The following NOC3L variants were observed in gnomAD, a reference collection of about 807,000 sequenced individuals.
NOC3L encodes the protein NOC3 like DNA replication regulator.
In NOC3L, 85 loss-of-function variants were observed where a neutral mutation model predicts 102.5. The observed-to-expected ratio is 0.83, with a 90% confidence interval of 0.70 to 0.99. The LOEUF is 0.99. Among genes scored for constraint, NOC3L ranks in the 50% least tolerant of loss-of-function variants. The probability of loss-of-function intolerance (pLI) is 0.00; values close to 1 mark genes in which losing one functional copy is unlikely to be tolerated. For missense variants in NOC3L, 878 were observed against 914.9 expected, an observed-to-expected ratio of 0.96 and a Z score of 0.52; for synonymous variants, 303 against 309.4, an observed-to-expected ratio of 0.98 and a Z score of 0.22.
chr10:94,340,274 A>G lies in NOC3L; in HGVS notation c.1780+2T>C. The G allele has an allele frequency of 6.3e-7, 1 of 1,593,276 alleles. No homozygotes were observed. The highest frequency in any genetic ancestry group is 8.6e-7 in the Non-Finnish European group (1 of 1,162,652). ...AAAGAAACATTATCTAAACATACAT[A>G]CCTGCATGTAATTTGAACAGTGTTT... is the stretch of plus-strand genomic sequence containing the variant. On this transcript the variant is annotated splice_donor_variant, in intron 16 of 20. Coordinates refer to ENST00000371361, the MANE Select transcript of NOC3L (RefSeq NM_022451.11). LOFTEE classifies it high-confidence loss of function.
At chr10:94,319,367 T>C in the NOC3L span, among the ~76,000 whole-genome samples, 3 of 152,218 alleles carry the variant, frequency 2.0e-5, no homozygotes, top group Non-Finnish European at 2.9e-5. Context: ...AGGGCACTAC[T>C]AGAGGAGACA....
chr10:94,317,288 CAA>C, the NOC3L span, among the ~76,000 whole-genome samples: 2 of 152,120 alleles, frequency 1.3e-5, no homozygotes, highest in Middle Eastern at 3.2e-3. Flanking sequence ...TTTTCTCACA[CAA>C]ATAAACTATT....
At chr10:94,321,921 T>C in the NOC3L span, 1 of 1,613,640 alleles carries the variant, frequency 6.2e-7, no homozygotes, top group Non-Finnish European at 8.5e-7. Flanking sequence ...AGAAAAACAT[T>C]GTTCAAGATG....
intron 9 of NOC3L, among the ~76,000 whole-genome samples, chr10:94,349,634 T>A (rs185345448): frequency 1.3e-5 from 2 of 152,330 alleles, no homozygotes; most frequent in Admixed American, 1.3e-4. Context: ...ACCAAACTTA[T>A]GTTCAGATAA....
chr10:94,351,728 A>G (rs2054421217), intron 8 of NOC3L, among the ~76,000 whole-genome samples: 1 of 149,360 alleles, frequency 6.7e-6, no homozygotes, highest in South Asian at 2.1e-4. Flanking sequence ...GAGTCTCACT[A>G]CATTCCCCAG....
At chr10:94,319,246 A>ATATC in the NOC3L span, among the ~76,000 whole-genome samples, 1 of 152,202 alleles carries the variant, frequency 6.6e-6, no homozygotes, top group Non-Finnish European at 1.5e-5. Context: ...TGACTGAAAT[A>ATATC]TATCTCAAAA....
chr10:94,342,755 A>G (rs960853387), intron 13 of NOC3L, among the ~76,000 whole-genome samples: 5 of 151,140 alleles, frequency 3.3e-5, no homozygotes, highest in African/African-American at 9.7e-5. Flanking sequence ...AGCAAGTTAC[A>G]GGACACTAAA....
At chr10:94,336,710 G>A (rs1178533416) in intron 19 of NOC3L, among the ~76,000 whole-genome samples, 1 of 151,426 alleles carries the variant, frequency 6.6e-6, no homozygotes, top group Non-Finnish European at 1.5e-5. Flanking sequence ...TGGACTGAGG[G>A]ATTTTTTATA....
intron 19 of NOC3L, among the ~76,000 whole-genome samples, chr10:94,335,475 G>C (rs1401978386): frequency 6.6e-6 from 1 of 152,068 alleles, no homozygotes; most frequent in Admixed American, 6.5e-5. Flanking sequence ...TGAAGACTGG[G>C]GACAGGTGAG....
chr10:94,346,475 ATT>A lies in NOC3L; in HGVS notation c.1337_1338del (p.Lys446IlefsTer39). 1 of 1,512,968 alleles carries A rather than the reference ATT, an allele frequency of 6.6e-7. No homozygotes were observed. Among genetic ancestry groups the A allele is most frequent in the Non-Finnish European group, 8.9e-7 (1 of 1,126,420 alleles). 93.7% of individuals were successfully genotyped at this position (1,512,968 alleles called of 1,614,324 possible). A position where few individuals can be genotyped will look rare whatever the true frequency, so the allele number is the denominator to read the frequency against. On this transcript the variant is annotated frameshift_variant, in exon 11 of 21. Transcript: ENST00000371361. LOFTEE classifies it high-confidence loss of function. ...KDTEDINKPK[K>X]FMTFKEKRKS... ...TTTCTCTTTTCTTTGAAAGTCATAA[ATT>A]TTTTTGGTTTATTAATGTCTTCTGT...
At chr10:94,329,644 G>A (rs1346894798), downstream of NOC3L, 4 of 152,034 alleles carry the variant, frequency 2.6e-5, no homozygotes, top group African/African-American at 4.8e-5. Flanking sequence ...TGAGCGTGGT[G>A]GCACGTGCCT....
chr10:94,350,977 A>C (rs2054409078), intron 8 of NOC3L, among the ~76,000 whole-genome samples: 2 of 152,084 alleles, frequency 1.3e-5, no homozygotes, highest in Admixed American at 6.6e-5. Context: ...TTGAAATGAT[A>C]ATCTGAATAT....
At chr10:94,338,767 T>C in intron 17 of NOC3L, 31 bp from the exon 18 acceptor site, 1 of 1,596,984 alleles carries the variant, frequency 6.3e-7, no homozygotes, top group South Asian at 1.1e-5. Context: ...AAGAATTGGT[T>C]AAATTAACAT....
the NOC3L span, among the ~76,000 whole-genome samples, chr10:94,317,538 A>G: frequency 6.6e-6 from 1 of 152,170 alleles, no homozygotes; most frequent in African/African-American, 2.4e-5. Context: ...TACAAGTAAA[A>G]TAATAATATT....
chr10:94,358,623 A>C (rs371444176), intron 2 of NOC3L, among the ~76,000 whole-genome samples: 1 of 152,088 alleles, frequency 6.6e-6, no homozygotes, highest in Non-Finnish European at 1.5e-5. Flanking sequence ...CTCATCTCCA[A>C]TTACTTTCAC....
chr10:94,349,386 A>T lies in NOC3L; in HGVS notation c.1129-8T>A. ...ACAACACATTTCAGATATCTGAAAA[A>T]TAAAATGTCATACTTAACCAGTGTT... On this transcript the variant is annotated splice_polypyrimidine_tract_variant and splice_region_variant and intron_variant, in intron 9 of 20. Coordinates refer to ENST00000371361, the MANE Select transcript of NOC3L (RefSeq NM_022451.11). The T allele has an allele frequency of 6.4e-7, 1 of 1,571,068 alleles. No homozygotes were observed.
At chr10:94,351,739 G>A (rs1432292681) in intron 8 of NOC3L, among the ~76,000 whole-genome samples, 1 of 150,768 alleles carries the variant, frequency 6.6e-6, no homozygotes, top group Non-Finnish European at 1.5e-5. Context: ...CATTCCCCAG[G>A]CTGGTCTCAA....
chr10:94,346,022 C>T (rs1352616547), intron 11 of NOC3L, among the ~76,000 whole-genome samples: 4 of 152,072 alleles, frequency 2.6e-5, no homozygotes, highest in Non-Finnish European at 4.4e-5. Context: ...AATAAACAAG[C>T]GGCTGAAATT....
rs148216421 is a variant in NOC3L, at chr10:94,358,119, T to C, written c.314A>G (p.Gln105Arg). The C allele has an allele frequency of 1.5e-5, 24 of 1,609,568 alleles. No individual in the cohort carries two copies. The East Asian group carries it at 4.9e-4, about 33-fold the overall frequency. ...DDLQLMKDLG[Q>R]RVSFLTRDLS... ...ATCTCTTGTTAGAAAAGATACTCTT[T>C]GTCCTAAATCCTTCATTAACTGTAA... Residue 105 changes from glutamine to arginine, a missense_variant, in exon 3 of 21, where the codon CAA becomes CGA. Gln to Arg is a conservative substitution (Grantham distance 43). Transcript: ENST00000371361.
Sources: gnomAD v4.1 joint callset for allele counts (sites outside exome capture counted in the v4.1 genomes callset) on GRCh38, gnomAD v4.1.1 for gene constraint, MANE v1.5 for transcripts, NCBI Gene and HGNC (gene_info 2026-07-23, HGNC 2026-07-21) for gene names.